CYP2C19: variants seen among roughly 807,000 people sequenced by gnomAD.
CYP2C19 encodes the protein cytochrome P450 2C19.
CYP2C19 carries 59 observed loss-of-function variants against 40.9 expected under a neutral mutation model. The ratio of observed to expected loss-of-function variants is 1.44; its 90% CI spans 1.17 to 1.79. CYP2C19 has a LOEUF of 1.79. Among genes scored for constraint, CYP2C19 ranks in the 40% most tolerant of loss-of-function variants. CYP2C19 has a pLI of 0.00. For missense variants in CYP2C19, 754 were observed against 596.9 expected (o/e 1.26, Z -2.74); for synonymous variants, 253 against 208.7 (o/e 1.21, Z -1.83).
At chr10:94,775,978 A>G (rs1430665764) in intron 3 of CYP2C19, 2 of 205,954 alleles carry the variant, frequency 9.7e-6, no homozygotes, top group Non-Finnish European at 2.0e-5. Flanking sequence ...CTTTTATTTA[A>G]TTGGACTATG....
Position 94,842,981 on chromosome 10 carries a change from C to A in CYP2C19, c.1106C>A (p.Ala369Glu). 1 of 1,614,222 alleles carries A rather than the reference C, an allele frequency of 6.2e-7. No homozygotes were observed. The highest frequency in any genetic ancestry group is 8.5e-7 in the Non-Finnish European group (1 of 1,180,044). The change falls in exon 7 of 9, where the codon GCA becomes GAA. Residue 369 changes from alanine to glutamate, a missense_variant. Physicochemically the swap from Ala to Glu is moderately radical, Grantham distance 107. Coordinates refer to ENST00000371321, the MANE Select transcript of CYP2C19 (RefSeq NM_000769.4). Reference sequence around the variant, plus strand: ...CTCATCCCCACCAGCCTGCCCCATGCAGTGACCTGTGACGTTAAATTCAGA... The same window carrying A: ...CTCATCCCCACCAGCCTGCCCCATGAAGTGACCTGTGACGTTAAATTCAGA... ...IDLIPTSLPHAVTCDVKFRNY... is the reference protein window; with the variant it reads ...IDLIPTSLPHEVTCDVKFRNY...
intron 5 of CYP2C19, among the ~76,000 whole-genome samples, chr10:94,803,732 C>T (rs1257501841): frequency 6.6e-6 from 1 of 152,120 alleles, no homozygotes; most frequent in Non-Finnish European, 1.5e-5. Context: ...TTGGTGGTGG[C>T]CTAAACTTCT....
chr10:94,775,104 A>G lies in CYP2C19; in HGVS notation c.215A>G (p.Glu72Gly). The change falls in exon 2 of 9, where the codon GAA becomes GGA. Residue 72 changes from glutamate (E) to glycine (G), a missense_variant. Physicochemically the swap from Glu to Gly is moderately conservative, Grantham distance 98. Transcript: ENST00000371321. The stretch of plus-strand genomic sequence containing the variant: ...GTGTTCACTCTGTATTTTGGCCTGG[A>G]ACGCATGGTGGTGCTGCATGGATAT... ...GPVFTLYFGLERMVVLHGYEV... is the reference protein window; with the variant it reads ...GPVFTLYFGLGRMVVLHGYEV... 1 of 1,614,164 alleles carries G rather than the reference A, an allele frequency of 6.2e-7. No homozygotes were observed. The highest frequency in any genetic ancestry group is 1.1e-5 in the South Asian group (1 of 91,084).
rs1354207170 is a variant in CYP2C19 at position 94,817,884 on chromosome 10, G to A, written c.820-2612G>A. 2.3e-3 allele frequency among the ~76,000 whole-genome samples: 353 copies of A among 151,534 alleles called. 1 individual carries two copies. Among genetic ancestry groups the A allele is most frequent in the Admixed American group, 4.7e-3 (72 of 15,242 alleles). ...AAAAATTAGCCGGGCGTAGTGGCGGGCACCTGTAGTCCCAGCTACTTGGGA... is the reference window on the plus strand; with the variant it reads ...AAAAATTAGCCGGGCGTAGTGGCGGACACCTGTAGTCCCAGCTACTTGGGA... On this transcript the variant is annotated intron_variant, in intron 5 of 8. Transcript: ENST00000371321.
In CYP2C19 at chr10:94,817,298, G is replaced by T. The variant is rs940660913; in HGVS notation, c.820-3198G>T. On this transcript the variant is annotated intron_variant, in intron 5 of 8. Coordinates refer to ENST00000371321, the MANE Select transcript of CYP2C19 (RefSeq NM_000769.4). ...AACTGGTGTGAGATGATATCTCATT[G>T]TGGTTTTGATTTGTATTTCTCTGAT... 3.1e-3 allele frequency among the ~76,000 whole-genome samples: 474 copies of T among 151,322 alleles called. 1 individual carries two copies. Among genetic ancestry groups the T allele is most frequent in the Admixed American group, 4.9e-3 (75 of 15,212 alleles).
intron 5 of CYP2C19, among the ~76,000 whole-genome samples, chr10:94,792,705 G>A (rs1353805347): frequency 6.6e-6 from 1 of 152,166 alleles, no homozygotes; most frequent in Non-Finnish European, 1.5e-5. Context: ...GGCTTGTAGA[G>A]TTTCTGCTGA....
At chr10:94,841,387 G>A (rs117756203) in intron 6 of CYP2C19, among the ~76,000 whole-genome samples, 7,246 of 152,254 alleles carry the variant, frequency 0.048, 233 homozygotes, top group South Asian at 0.11. Context: ...GCGGGTTTGC[G>A]ATGGTGGCAA....
intron 6 of CYP2C19, among the ~76,000 whole-genome samples, chr10:94,824,594 C>T (rs1470348764): frequency 1.3e-5 from 2 of 151,994 alleles, no homozygotes; most frequent in Non-Finnish European, 2.9e-5. Context: ...AAATTAATTC[C>T]TGTTTTTTTC....
Position 94,811,443 on chromosome 10 carries a change from T to C in CYP2C19, c.820-9053T>C, listed in dbSNP as rs1481470907. ...TCAAGTCCTGGAGATCCTTGTTAAA[T>C]TTCTGTCTCATTGATCTGTCTAATA... On this transcript the variant is annotated intron_variant, in intron 5 of 8. Coordinates refer to ENST00000371321, the MANE Select transcript of CYP2C19 (RefSeq NM_000769.4). Among the ~76,000 whole-genome samples, 19 of 152,232 alleles carry C rather than the reference T, an allele frequency of 1.2e-4. No homozygotes were observed. The South Asian group carries it at 1.5e-3, about 12-fold the overall frequency.
intron 5 of CYP2C19, among the ~76,000 whole-genome samples, chr10:94,791,476 C>G (rs1343256620): frequency 1.3e-5 from 2 of 152,102 alleles, no homozygotes; most frequent in Non-Finnish European, 2.9e-5. Context: ...AAATTTAGAC[C>G]TTTCCTGCTT....
intron 5 of CYP2C19, among the ~76,000 whole-genome samples, chr10:94,810,681 T>C (rs889651844): frequency 6.6e-6 from 1 of 152,322 alleles, no homozygotes; most frequent in African/African-American, 2.4e-5. Flanking sequence ...CATAGAGGTG[T>C]TTATAGTATT....
chr10:94,771,523 G>C (rs1397248842), intron 1 of CYP2C19, among the ~76,000 whole-genome samples: 2 of 152,116 alleles, frequency 1.3e-5, no homozygotes, highest in African/African-American at 4.8e-5. Context: ...TTCCCCATCA[G>C]AGAGAGAATA....
chr10:94,775,523 G>T lies in CYP2C19; in HGVS notation c.465G>T (p.Glu155Asp). 1 of 1,613,970 alleles carries T rather than the reference G, an allele frequency of 6.2e-7. No individual in the cohort carries two copies. Among genetic ancestry groups the T allele is most frequent in the Non-Finnish European group, 8.5e-7 (1 of 1,179,904 alleles). ...VQEEARCLVE[E>D]LRKTKASPCD... ...AGGAAGCCCGCTGCCTTGTGGAGGAGTTGAGAAAAACCAAGGGTGGGTGAA... is the reference window on the plus strand; with the variant it reads ...AGGAAGCCCGCTGCCTTGTGGAGGATTTGAGAAAAACCAAGGGTGGGTGAA... Residue 155 changes from glutamate (E) to aspartate (D), a missense_variant, in exon 3 of 9, where the codon GAG becomes GAT. Transcript: ENST00000371321.
intron 5 of CYP2C19, among the ~76,000 whole-genome samples, chr10:94,814,283 A>G (rs1201272404): frequency 6.6e-5 from 10 of 151,454 alleles, no homozygotes; most frequent in Admixed American, 6.6e-4. Context: ...ATTATTTTGA[A>G]TTCCTTTTTT....
At chr10:94,847,189 T>A (rs890111268) in intron 7 of CYP2C19, among the ~76,000 whole-genome samples, 3 of 152,140 alleles carry the variant, frequency 2.0e-5, no homozygotes, top group African/African-American at 7.2e-5. Context: ...AACTTGTCAT[T>A]TAGCATTAGG....
In CYP2C19 at chr10:94,820,487, C is replaced by T. The variant is rs770533453; in HGVS notation, c.820-9C>T. The T allele has an allele frequency of 1.9e-6, 3 of 1,613,812 alleles. No individual in the cohort carries two copies. Among genetic ancestry groups the T allele is most frequent in the Non-Finnish European group, 2.5e-6 (3 of 1,179,852 alleles). On this transcript the variant is annotated splice_polypyrimidine_tract_variant and intron_variant, in intron 5 of 8. Transcript: ENST00000371321. ...AATTTGTCAGATAATTGCATCAAAT[C>T]ATTCCTAGGAAAAGCAAAACCAACA...
chr10:94,815,856 G>A (rs1268566715), intron 5 of CYP2C19, among the ~76,000 whole-genome samples: 2 of 152,024 alleles, frequency 1.3e-5, no homozygotes, highest in Non-Finnish European at 2.9e-5. Context: ...TAATGAATCT[G>A]CAGGCAATAT....
At chr10:94,843,858 G>A (rs1849529889) in intron 7 of CYP2C19, among the ~76,000 whole-genome samples, 2 of 152,282 alleles carry the variant, frequency 1.3e-5, no homozygotes, top group South Asian at 4.1e-4. Flanking sequence ...GCAGGAAGCA[G>A]TGGAAGTTTT....
At chr10:94,847,732 T>A (rs141161414) in intron 7 of CYP2C19, among the ~76,000 whole-genome samples, 1,866 of 152,204 alleles carry the variant, frequency 0.012, 55 homozygotes, top group African/African-American at 0.043. Flanking sequence ...CATCCTCTCC[T>A]GCACCTGTTG....
Sources: gnomAD v4.1 joint callset for allele counts (sites outside exome capture counted in the v4.1 genomes callset) on GRCh38, gnomAD v4.1.1 for gene constraint, MANE v1.5 for transcripts, NCBI Gene and HGNC (gene_info 2026-07-23, HGNC 2026-07-21) for gene names.